Variants in GFOD1 observed in about 807,000 individuals in gnomAD.
GFOD1 encodes the protein glucose-fructose oxidoreductase domain-containing protein 1.
GFOD1 carries 9 observed loss-of-function variants against 25.4 expected under a neutral mutation model. That is an observed-to-expected ratio of 0.35 (90% CI 0.21 to 0.62). The LOEUF is 0.62. Among genes scored for constraint, GFOD1 ranks in the 20% least tolerant of loss-of-function variants. The pLI is 0.72. For missense variants in GFOD1, 403 were observed against 556.9 expected (o/e 0.72, Z 2.78); for synonymous variants, 253 against 245.6 (o/e 1.03, Z -0.28).
rs1757729421 is a variant in GFOD1 at position 13,430,513 on chromosome 6, C to T, written c.253+56125G>A. Among the ~76,000 whole-genome samples the T allele has an allele frequency of 1.3e-5, 2 of 152,020 alleles. No individual in the cohort carries two copies. The highest frequency in any genetic ancestry group is 4.2e-4 in the South Asian group (2 of 4,810). On this transcript the variant is annotated intron_variant, in intron 1 of 1. Transcript: ENST00000379287. This position sits in a 1 kb window ranked among gnomAD's most constrained non-coding sequence, Gnocchi z 4.1. ...TTGCACTGTGAAGGAACCCGAGCCACATAGGGTATGGCATCAAGCATAAAC... is the reference window on the plus strand; with the variant it reads ...TTGCACTGTGAAGGAACCCGAGCCATATAGGGTATGGCATCAAGCATAAAC...
intron 1 of GFOD1, among the ~76,000 whole-genome samples, chr6:13,421,223 C>T (rs1440494023): frequency 1.3e-5 from 2 of 152,210 alleles, no homozygotes; most frequent in East Asian, 1.9e-4. Context: ...CATGTTCGCT[C>T]ATGCTTGTAA....
At position 13,364,306 on chromosome 6, in the gene GFOD1, C is replaced by A. The variant is rs778831383; in HGVS notation, c.*437G>T. On this transcript the variant is annotated 3_prime_UTR_variant, in exon 2 of 2. Transcript: ENST00000379287. The surrounding 1 kb of genome is among the most constrained non-coding windows in gnomAD (Gnocchi z 4.1). ...GACTGTGAAAATGGGCCTTCTCCTG[C>A]CAGCAGTGGGTATCCCGGGCACTGA... is the stretch of plus-strand genomic sequence containing the variant. 1 of 174,868 alleles carries A rather than the reference C, an allele frequency of 5.7e-6. No individual in the cohort carries two copies. Among genetic ancestry groups the A allele is most frequent in the Non-Finnish European group, 1.2e-5 (1 of 81,520 alleles). 10.8% of individuals were successfully genotyped at this position (174,868 alleles called of 1,614,324 possible). A position where few individuals can be genotyped will look rare whatever the true frequency, so the allele number is the denominator to read the frequency against.
intron 1 of GFOD1, among the ~76,000 whole-genome samples, chr6:13,426,203 CT>C (rs925590840): frequency 2.4e-4 from 36 of 152,232 alleles, no homozygotes; most frequent in African/African-American, 8.0e-4. Flanking sequence ...CCCTTCTCCC[CT>C]GGCTTGGCTG....
chr6:13,409,636 T>C (rs1352104153), intron 1 of GFOD1, among the ~76,000 whole-genome samples: 1 of 152,164 alleles, frequency 6.6e-6, no homozygotes, highest in Non-Finnish European at 1.5e-5. Context: ...AGAAACTGAA[T>C]TGCAGCCGGG....
intron 1 of GFOD1, among the ~76,000 whole-genome samples, chr6:13,480,746 C>T (rs947769572): frequency 2.0e-5 from 3 of 152,226 alleles, no homozygotes; most frequent in Admixed American, 6.5e-5. Context: ...CTCCGTCTCC[C>T]GAAGTGCTGG....
At chr6:13,462,485 T>C (rs1169384667) in intron 1 of GFOD1, among the ~76,000 whole-genome samples, 1 of 152,192 alleles carries the variant, frequency 6.6e-6, no homozygotes, top group African/African-American at 2.4e-5. Flanking sequence ...ACCCAATTCA[T>C]CTTCAGTCCG....
intron 1 of GFOD1, among the ~76,000 whole-genome samples, chr6:13,451,818 T>G (rs1758103843): frequency 6.6e-6 from 1 of 152,174 alleles, no homozygotes. Context: ...GAGTGAGGGT[T>G]TCCACTGCAT....
rs1554207083 is a variant in GFOD1 at position 13,486,257 on chromosome 6, C to CCCCCA, written c.253+380_253+381insTGGGG. 23 of 277,534 alleles carry CCCCCA rather than the reference C, an allele frequency of 8.3e-5. 1 individual carries two copies. The highest frequency in any genetic ancestry group is 6.1e-4 in the African/African-American group (21 of 34,254). 17.2% of individuals were successfully genotyped at this position (277,534 alleles called of 1,614,324 possible). ...TCCTCCACCCCCCCATCCCCCCCCC[C>CCCCCA]CACACACACACACTTGGACACTACA... On this transcript the variant is annotated intron_variant, in intron 1 of 1. Transcript: ENST00000379287.
intron 1 of GFOD1, among the ~76,000 whole-genome samples, chr6:13,411,030 G>T (rs1424440273): frequency 6.6e-6 from 1 of 152,220 alleles, no homozygotes; most frequent in African/African-American, 2.4e-5. Context: ...ACCAGGAGGA[G>T]CCCAGCTCCT....
intron 1 of GFOD1, among the ~76,000 whole-genome samples, chr6:13,453,033 CG>C (rs1396978469): frequency 1.3e-5 from 2 of 152,100 alleles, no homozygotes; most frequent in Non-Finnish European, 2.9e-5. Flanking sequence ...ATTCACATGC[CG>C]GGAAAGAAGA....
At chr6:13,376,866 C>T (rs1785266436) in intron 1 of GFOD1, among the ~76,000 whole-genome samples, 1 of 152,186 alleles carries the variant, frequency 6.6e-6, no homozygotes, top group Non-Finnish European at 1.5e-5. Context: ...CAAGTCAATA[C>T]TTCAAGAGAA....
At chr6:13,405,331 G>A (rs1411855302) in intron 1 of GFOD1, among the ~76,000 whole-genome samples, 1 of 152,080 alleles carries the variant, frequency 6.6e-6, no homozygotes, top group Non-Finnish European at 1.5e-5. Context: ...CGTTAATTAA[G>A]GGGAAAAAAC....
chr6:13,429,699 G>T (rs1286224463), intron 1 of GFOD1, among the ~76,000 whole-genome samples: 1 of 152,184 alleles, frequency 6.6e-6, no homozygotes, highest in Non-Finnish European at 1.5e-5. Flanking sequence ...AACTGAGTGG[G>T]TTGGCAAAGA....
At chr6:13,426,557 G>A (rs576812309) in intron 1 of GFOD1, among the ~76,000 whole-genome samples, 33 of 152,228 alleles carry the variant, frequency 2.2e-4, no homozygotes, top group East Asian at 5.8e-4. Flanking sequence ...TTAAACGCCC[G>A]GGAAGCGGCC....
chr6:13,470,754 T>C, intron 1 of GFOD1: 3 of 1,314,192 alleles, frequency 2.3e-6, no homozygotes, highest in South Asian at 1.6e-5. Flanking sequence ...AAATAACAAG[T>C]ACTCTAAAAT....
At chr6:13,433,561 C>T (rs1277059650) in intron 1 of GFOD1, among the ~76,000 whole-genome samples, 1 of 152,176 alleles carries the variant, frequency 6.6e-6, no homozygotes, top group Non-Finnish European at 1.5e-5. Context: ...CAAATATTCC[C>T]TGGAGGGCAA....
chr6:13,409,922 C>CAAA (rs757548005), intron 1 of GFOD1, among the ~76,000 whole-genome samples: 5 of 72,068 alleles, frequency 6.9e-5, no homozygotes, highest in Admixed American at 1.8e-4. Flanking sequence ...GGCTCCATTT[C>CAAA]AAAAAAAAAA....
intron 1 of GFOD1, among the ~76,000 whole-genome samples, chr6:13,379,773 T>C (rs1206985471): frequency 1.3e-5 from 2 of 152,234 alleles, no homozygotes; most frequent in African/African-American, 2.4e-5. Context: ...CCAAGCTTTC[T>C]GGACCCCTTT....
At chr6:13,399,023 G>C (rs931741451) in intron 1 of GFOD1, among the ~76,000 whole-genome samples, 9 of 152,176 alleles carry the variant, frequency 5.9e-5, no homozygotes, top group Non-Finnish European at 1.0e-4. Context: ...TTGTTGTTTT[G>C]TTTTGTTCTG....
Sources: gnomAD v4.1 joint callset for allele counts (sites outside exome capture counted in the v4.1 genomes callset) on GRCh38, gnomAD v4.1.1 for gene constraint, Gnocchi (gnomAD v3.1) non-coding constraint, MANE v1.5 for transcripts, NCBI Gene and HGNC (gene_info 2026-07-23, HGNC 2026-07-21) for gene names.